Variants in TSGA10 observed in about 807,000 individuals in gnomAD.
TSGA10 encodes testis specific 10.
A neutral mutation model predicts 96.6 loss-of-function variants in TSGA10; 43 were observed. That is an observed-to-expected ratio of 0.44 (90% CI 0.35 to 0.57). TSGA10 has a LOEUF of 0.57. Ranked by LOEUF, TSGA10 falls within the 20% of genes least tolerant of loss-of-function variation. TSGA10 has a pLI of 0.01. For synonymous variants in TSGA10, 229 were observed against 269.9 expected, an observed-to-expected ratio of 0.85 and a Z score of 1.48; for missense variants, 703 against 834.4, an observed-to-expected ratio of 0.84 and a Z score of 1.94.
At chr2:99,115,407 T>C (rs1485981437) in intron 4 of TSGA10, among the ~76,000 whole-genome samples, 3 of 152,160 alleles carry the variant, frequency 2.0e-5, no homozygotes, top group South Asian at 2.1e-4. Flanking sequence ...GTTTAAAATA[T>C]TCAAGCTACT....
chr2:99,000,421 A>G (rs2077790298), intron 20 of TSGA10, among the ~76,000 whole-genome samples: 1 of 151,760 alleles, frequency 6.6e-6, no homozygotes, highest in Admixed American at 6.6e-5. Flanking sequence ...GAGGCAGGAG[A>G]ATCACTTGAA....
intron 10 of TSGA10, among the ~76,000 whole-genome samples, chr2:99,101,583 A>G (rs147488323): frequency 4.0e-4 from 61 of 152,278 alleles, no homozygotes; most frequent in African/African-American, 1.4e-3. Flanking sequence ...AAGAAAAAAG[A>G]GTAAAAAGAA....
intron 16 of TSGA10, among the ~76,000 whole-genome samples, 180 bp downstream of exon 16, chr2:99,064,759 G>A (rs1019594594): frequency 1.3e-5 from 2 of 152,188 alleles, no homozygotes; most frequent in Non-Finnish European, 2.9e-5. Context: ...TGTTCTGGAT[G>A]TAGGGTAGAT....
At chr2:99,091,027 G>C (rs1264873421) in intron 10 of TSGA10, among the ~76,000 whole-genome samples, 2 of 152,144 alleles carry the variant, frequency 1.3e-5, no homozygotes, top group East Asian at 1.9e-4. Flanking sequence ...TGAGGCAAAA[G>C]CATGAGCTAA....
intron 20 of TSGA10, 142 bp downstream of exon 20, chr2:99,018,058 A>G (rs2079684031): frequency 5.9e-6 from 4 of 675,460 alleles, no homozygotes; most frequent in Non-Finnish European, 8.8e-6. Context: ...AAAATCCTGT[A>G]TTTTATATCA....
At chr2:99,087,353 A>G (rs1192576752) in intron 10 of TSGA10, among the ~76,000 whole-genome samples, 2 of 151,616 alleles carry the variant, frequency 1.3e-5, no homozygotes, top group Non-Finnish European at 2.9e-5. Context: ...CTAAAAATAC[A>G]AAATTAGCCT....
intron 16 of TSGA10, among the ~76,000 whole-genome samples, chr2:99,042,037 C>T (rs79413082): frequency 7.2e-6 from 1 of 138,056 alleles, no homozygotes; most frequent in Non-Finnish European, 1.5e-5. Context: ...ATTGCCCCCC[C>T]ACATTTTTTT....
chr2:99,099,269 G>A (rs760389721), intron 10 of TSGA10, among the ~76,000 whole-genome samples: 2 of 152,108 alleles, frequency 1.3e-5, no homozygotes, highest in Non-Finnish European at 2.9e-5. Flanking sequence ...CCAAGATCGC[G>A]CCATTGCACT....
At chr2:99,149,790 T>C (rs1486715248) in intron 1 of TSGA10, among the ~76,000 whole-genome samples, 4 of 139,410 alleles carry the variant, frequency 2.9e-5, no homozygotes, top group Admixed American at 7.3e-5. Context: ...AGTATCTTTT[T>C]TTTTTTTTTT....
chr2:99,101,133 C>G (rs1452753614), intron 10 of TSGA10, among the ~76,000 whole-genome samples: 1 of 142,590 alleles, frequency 7.0e-6, no homozygotes, highest in Admixed American at 7.3e-5. Context: ...GGCGTGGTGG[C>G]GGGCACCTGC....
At position 98,998,319 on chromosome 2, in the gene TSGA10, G is replaced by A. The variant is rs564537230; in HGVS notation, c.2073-98C>T. The stretch of plus-strand genomic sequence containing the variant: ...AGTAAGTGTATCACTTCAGCAAAAC[G>A]TAAGATTTTTCTTCATTTCTATGAA... On this transcript the variant is annotated intron_variant, in intron 20 of 20. Coordinates refer to ENST00000393483, the MANE Select transcript of TSGA10 (RefSeq NM_025244.4). 2.6e-4 allele frequency: 258 copies of A among 991,912 alleles called. No homozygotes were observed. The African/African-American group carries it at 3.9e-3, about 15-fold the overall frequency. The allele number at this position is 991,912 out of a possible 1,614,324, so 61.4% of individuals were successfully genotyped here.
At chr2:99,067,776 G>A (rs2085434620) in intron 15 of TSGA10, among the ~76,000 whole-genome samples, 6 of 151,944 alleles carry the variant, frequency 3.9e-5, no homozygotes, top group Admixed American at 3.3e-4. Context: ...GAACATGGGA[G>A]GCAAAGGTTG....
intron 10 of TSGA10, among the ~76,000 whole-genome samples, chr2:99,089,473 T>C (rs1228717323): frequency 1.3e-5 from 2 of 152,348 alleles, no homozygotes; most frequent in East Asian, 3.9e-4. Context: ...CTGAAAGCCC[T>C]GCTTGCTTTC....
intron 20 of TSGA10, among the ~76,000 whole-genome samples, chr2:99,014,116 T>G (rs771154110): frequency 4.0e-5 from 6 of 151,834 alleles, no homozygotes; most frequent in Non-Finnish European, 8.8e-5. Context: ...GATTGTGCCA[T>G]TGCACTCCAG....
chr2:99,131,768 G>C (rs1308837559), intron 1 of TSGA10, among the ~76,000 whole-genome samples: 3 of 152,064 alleles, frequency 2.0e-5, no homozygotes, highest in Non-Finnish European at 2.9e-5. Flanking sequence ...CTCATAAATA[G>C]CTCTTATTAT....
intron 12 of TSGA10, among the ~76,000 whole-genome samples, chr2:99,074,532 A>G (rs997145913): frequency 6.6e-6 from 1 of 152,184 alleles, no homozygotes; most frequent in African/African-American, 2.4e-5. Context: ...AACCCCTTCA[A>G]GAAGGACAAG....
At chr2:99,040,932 C>T (rs549171035) in intron 16 of TSGA10, among the ~76,000 whole-genome samples, 51 of 152,310 alleles carry the variant, frequency 3.3e-4, no homozygotes, top group Admixed American at 8.5e-4. Flanking sequence ...AGTTCTTACA[C>T]TTTAGCCCAG....
At chr2:99,014,232 G>T (rs555068942) in intron 20 of TSGA10, among the ~76,000 whole-genome samples, 49 of 152,104 alleles carry the variant, frequency 3.2e-4, no homozygotes, top group Non-Finnish European at 6.6e-4. Context: ...CTACTTGGGA[G>T]GTTGAGGCAG....
At chr2:99,047,508 T>C (rs957767502) in intron 16 of TSGA10, among the ~76,000 whole-genome samples, 2 of 152,166 alleles carry the variant, frequency 1.3e-5, no homozygotes, top group Non-Finnish European at 2.9e-5. Flanking sequence ...GAAAAGGCCT[T>C]TGACAAAATT....
Sources: gnomAD v4.1 joint callset for allele counts (sites outside exome capture counted in the v4.1 genomes callset) on GRCh38, gnomAD v4.1.1 for gene constraint, MANE v1.5 for transcripts, NCBI Gene and HGNC (gene_info 2026-07-23, HGNC 2026-07-21) for gene names.